AHNAK: variants seen among roughly 807,000 people sequenced by gnomAD.
AHNAK encodes neuroblast differentiation-associated protein AHNAK.
A neutral mutation model predicts 37.8 loss-of-function variants in AHNAK; 23 were observed. The ratio of observed to expected loss-of-function variants is 0.61; its 90% CI spans 0.44 to 0.86. The LOEUF is 0.86. AHNAK is among the 40% of genes least tolerant of loss of function. The probability of loss-of-function intolerance (pLI) is 0.00; values close to 1 mark genes in which losing one functional copy is unlikely to be tolerated. For missense variants in AHNAK, 7,411 were observed against 7,319.4 expected, an observed-to-expected ratio of 1.01 and a Z score of -0.46; for synonymous variants, 2,481 against 2,636.3, an observed-to-expected ratio of 0.94 and a Z score of 1.80.
At position 62,516,065 on chromosome 11, in the gene AHNAK, C is replaced by T; in HGVS notation, c.*679G>A. 8.2e-7 allele frequency: 1 copy of T among 1,212,994 alleles called. No homozygotes were observed. The highest frequency in any genetic ancestry group is 1.5e-5 in the South Asian group (1 of 68,786). The allele number at this position is 1,212,994 out of a possible 1,614,324, so 75.1% of individuals were successfully genotyped here. On this transcript the variant is annotated 3_prime_UTR_variant, in exon 5 of 5. Transcript: ENST00000378024. ...ACATGGCGGCATGAAGGAAACAGTT[C>T]CCTTACAAAACACAGAAAATGGAAG...
At chr11:62,499,194 G>A (rs1939668988) in intron 4 of AHNAK, among the ~76,000 whole-genome samples, 1 of 152,150 alleles carries the variant, frequency 6.6e-6, no homozygotes, top group South Asian at 2.1e-4. Context: ...GATAGAAAGG[G>A]TTTAAGGCTT....
intron 1 of AHNAK, among the ~76,000 whole-genome samples, chr11:62,540,487 C>A (rs1010744578): frequency 4.6e-5 from 7 of 152,034 alleles, no homozygotes. Context: ...GCCCGGTGGT[C>A]CACCCAACAG....
chr11:62,537,099 G>A (rs902433944), intron 1 of AHNAK, among the ~76,000 whole-genome samples: 38 of 151,334 alleles, frequency 2.5e-4, no homozygotes, highest in Middle Eastern at 6.8e-3. Flanking sequence ...GACTACAGGC[G>A]CCCGCCACCA....
At chr11:62,546,421 G>A (rs1941313835) in intron 1 of AHNAK, among the ~76,000 whole-genome samples, 1 of 152,262 alleles carries the variant, frequency 6.6e-6, no homozygotes, top group Admixed American at 6.5e-5. Context: ...GTGGAGCAAA[G>A]CACTTCGGAG....
At chr11:62,474,030 G>A (rs2134854438) in intron 5 of AHNAK, among the ~76,000 whole-genome samples, 1 of 151,684 alleles carries the variant, frequency 6.6e-6, no homozygotes, top group African/African-American at 2.4e-5. Context: ...TGAGGTGACA[G>A]ACATGTTAAT....
Position 62,519,407 on chromosome 11 carries a change from C to A in AHNAK, c.15010G>T (p.Glu5004Ter). ...PSLDVTVPEA[E>*]LNLETPEISV... ...ATTTCAGGAGTCTCAAGGTTCAGCTCTGCCTCAGGAACAGTGACATCCAGT... is the reference window on the plus strand; with the variant it reads ...ATTTCAGGAGTCTCAAGGTTCAGCTATGCCTCAGGAACAGTGACATCCAGT... The change falls in exon 5 of 5, where the codon GAG becomes TAG. Residue 5004 changes from glutamate to a stop codon, truncating the protein, a stop_gained. Transcript: ENST00000378024. LOFTEE classifies it low-confidence loss of function (END_TRUNC). 6.2e-7 allele frequency: 1 copy of A among 1,613,428 alleles called. No individual in the cohort carries two copies. The highest frequency in any genetic ancestry group is 8.5e-7 in the Non-Finnish European group (1 of 1,179,668).
chr11:62,519,444 G>C lies in AHNAK; in HGVS notation c.14973C>G (p.Ile4991Met). ...CAGTGACATCCAGTGAAGGTGACTT[G>C]ATGTCAGCTTTGGGGCTTTTTGCCC... ...GFGAKSPKAD[I>M]KSPSLDVTVP... is the part of the protein sequence containing the mutation. Residue 4991 changes from isoleucine to methionine, a missense_variant, in exon 5 of 5, where the codon ATC (isoleucine) becomes ATG (methionine). Transcript: ENST00000378024. 1.2e-6 allele frequency: 2 copies of C among 1,611,976 alleles called. No individual in the cohort carries two copies. The highest frequency in any genetic ancestry group is 1.7e-6 in the Non-Finnish European group (2 of 1,179,282).
rs560967767 is a variant in AHNAK at position 62,433,876 on chromosome 11, G to C, written c.*8C>G. The C allele has an allele frequency of 1.9e-6, 3 of 1,613,826 alleles. No homozygotes were observed. The South Asian group carries it at 3.3e-5, about 18-fold the overall frequency. ...CTTAAGAGGGGGTGGTTTTCTTCCTGGCCGCTTCTACAGTCCTGTAAAACA... is the reference window on the plus strand; with the variant it reads ...CTTAAGAGGGGGTGGTTTTCTTCCTCGCCGCTTCTACAGTCCTGTAAAACA... On this transcript the variant is annotated 3_prime_UTR_variant, in exon 6 of 6. Coordinates refer to the AHNAK transcript ENST00000257247.
chr11:62,480,196 C>G (rs1046890145), intron 5 of AHNAK, among the ~76,000 whole-genome samples: 3 of 152,234 alleles, frequency 2.0e-5, no homozygotes, highest in Non-Finnish European at 1.5e-5. Flanking sequence ...CCACAGAACC[C>G]TCAGCCCTGC....
At position 62,516,518 on chromosome 11, in the gene AHNAK, T is replaced by G. The variant is rs1940022499; in HGVS notation, c.*226A>C. On this transcript the variant is annotated 3_prime_UTR_variant, in exon 5 of 5. Coordinates refer to ENST00000378024, the MANE Select transcript of AHNAK (RefSeq NM_001620.3). Reference sequence around the variant, plus strand: ...TATGAAATCTTAAGGCAAATACTGTTGACTTTGCACATGGGCTGGACGAAC... The same window carrying G: ...TATGAAATCTTAAGGCAAATACTGTGGACTTTGCACATGGGCTGGACGAAC... 7.1e-7 allele frequency: 1 copy of G among 1,402,020 alleles called. No homozygotes were observed. The highest frequency in any genetic ancestry group is 2.9e-5 in the Admixed American group (1 of 33,922). 86.8% of individuals were successfully genotyped at this position (1,402,020 alleles called of 1,614,324 possible).
rs1266436408 is a variant in AHNAK, at chr11:62,527,566, G to A, written c.6851C>T (p.Pro2284Leu). 3 of 1,613,132 alleles carry A rather than the reference G, an allele frequency of 1.9e-6. No individual in the cohort carries two copies. The highest frequency in any genetic ancestry group is 2.5e-6 in the Non-Finnish European group (3 of 1,179,834). ...TTCTGGACCTTCAAGGCTCACATCT[G>A]GGACTTCAACATCCACCTTGGGTCC... ...VSGPKVDVEV[P>L]DVSLEGPEGK... is the part of the protein sequence containing the mutation. Residue 2284 changes from proline to leucine, a missense_variant, in exon 5 of 5, where the codon CCA becomes CTA. Coordinates refer to ENST00000378024, the MANE Select transcript of AHNAK (RefSeq NM_001620.3).
intron 4 of AHNAK, among the ~76,000 whole-genome samples, chr11:62,504,650 G>A (rs1044024658): frequency 2.0e-5 from 3 of 151,922 alleles, no homozygotes; most frequent in African/African-American, 7.3e-5. Flanking sequence ...CACACACCTA[G>A]GTAAACACTG....
intron 4 of AHNAK, among the ~76,000 whole-genome samples, chr11:62,510,153 G>A (rs1301071985): frequency 1.3e-5 from 2 of 151,366 alleles, no homozygotes; most frequent in Non-Finnish European, 2.9e-5. Flanking sequence ...CACCTCCCCC[G>A]GGTTCAAGAG....
chr11:62,524,226 T>C lies in AHNAK; in HGVS notation c.10191A>G (p.Lys3397=). 1 of 1,612,920 alleles carries C rather than the reference T, an allele frequency of 6.2e-7. No homozygotes were observed. The highest frequency in any genetic ancestry group is 1.1e-5 in the South Asian group (1 of 90,710). The change falls in exon 5 of 5, where the codon AAA becomes AAG. Residue 3397 remains lysine, a synonymous_variant. Transcript: ENST00000378024. The stretch of plus-strand genomic sequence containing the variant: ...GCATTTTAAACTTGGATCCTTTCAC[T>C]TTTCCTTGGACCTCGACATCAGGAG... ...INAPDVEVQG[K]VKGSKFKMPF...
At chr11:62,445,170 G>A (rs1938398739) in intron 5 of AHNAK, among the ~76,000 whole-genome samples, 1 of 152,154 alleles carries the variant, frequency 6.6e-6, no homozygotes, top group Non-Finnish European at 1.5e-5. Context: ...AGAAGTCAGG[G>A]AGCAACAGAG....
intron 5 of AHNAK, among the ~76,000 whole-genome samples, chr11:62,487,075 G>T (rs956706705): frequency 1.2e-4 from 18 of 152,198 alleles, no homozygotes; most frequent in Admixed American, 1.3e-4. Flanking sequence ...TGAAACAACA[G>T]AACAGAAACA....
At position 62,523,764 on chromosome 11, in the gene AHNAK, G is replaced by T. The variant is rs1453273527; in HGVS notation, c.10653C>A (p.Asn3551Lys). The change falls in exon 5 of 5, where the codon AAC becomes AAA. Residue 3551 changes from asparagine (N) to lysine (K), a missense_variant. By Grantham distance (94) the Asn-to-Lys change is moderately conservative. Coordinates refer to ENST00000378024, the MANE Select transcript of AHNAK (RefSeq NM_001620.3). ...PKISMPDIDL[N>K]LKGPKVKGDV... ...CACCTTTCACCTTGGGGCCTTTCAA[G>T]TTTAAGTCAATGTCAGGCATGGAGA... The T allele has an allele frequency of 2.5e-6, 4 of 1,613,822 alleles. No homozygotes were observed. The highest frequency in any genetic ancestry group is 1.6e-4 in the Middle Eastern group (1 of 6,082).
intron 4 of AHNAK, among the ~76,000 whole-genome samples, chr11:62,510,776 T>TATATATATATAC (rs1555028323): frequency 1.3e-5 from 2 of 150,600 alleles, no homozygotes; most frequent in Admixed American, 1.3e-4. Context: ...TATATATATA[T>TATATATATATAC]ATGTATATGT....
chr11:62,439,963 C>T (rs1472960277), intron 5 of AHNAK, among the ~76,000 whole-genome samples: 2 of 152,174 alleles, frequency 1.3e-5, no homozygotes, highest in East Asian at 1.9e-4. Flanking sequence ...CCACTGTGCC[C>T]GGCCGCATTT....
Sources: allele counts gnomAD v4.1 joint callset (sites outside exome capture counted in the v4.1 genomes callset), GRCh38; gene constraint gnomAD v4.1.1; transcripts MANE v1.5; gene names NCBI Gene and HGNC (gene_info 2026-07-23, HGNC 2026-07-21).